PGS1: variants seen among roughly 807,000 people sequenced by gnomAD.
PGS1 encodes the protein phosphatidylglycerophosphate synthase 1, also known as CDP-diacylglycerol--glycerol-3-phosphate 3-phosphatidyltransferase, mitochondrial.
PGS1 carries 44 observed loss-of-function variants against 58.3 expected under a neutral mutation model. The ratio of observed to expected loss-of-function variants is 0.75; its 90% confidence interval spans 0.59 to 0.97. The LOEUF is 0.97. PGS1 is among the 50% of genes least tolerant of loss of function. PGS1 has a pLI of 0.00. For synonymous variants in PGS1, 330 were observed against 311.0 expected (o/e 1.06, Z -0.64); for missense variants, 684 against 731.1 (o/e 0.94, Z 0.74).
intron 1 of PGS1, among the ~76,000 whole-genome samples, chr17:78,391,573 G>A (rs1222174678): frequency 6.6e-6 from 1 of 152,144 alleles, no homozygotes; most frequent in Non-Finnish European, 1.5e-5. Flanking sequence ...CACCTCCCTG[G>A]TTCAAGCAAT....
intron 9 of PGS1, chr17:78,420,954 T>C (rs2085676674): frequency 6.6e-6 from 1 of 152,226 alleles, no homozygotes; most frequent in African/African-American, 2.4e-5. Flanking sequence ...AATGTCTTAG[T>C]ATCATCAAAT....
Position 78,415,025 on chromosome 17 carries a change from C to T in PGS1, c.1549C>T (p.Gln517Ter). 6.2e-7 allele frequency: 1 copy of T among 1,612,528 alleles called. No individual in the cohort carries two copies. The highest frequency in any genetic ancestry group is 1.3e-5 in the African/African-American group (1 of 74,960). The stretch of plus-strand genomic sequence containing the variant: ...CCAGGCCCTGCAGCAGCAGCTTCAC[C>T]AGGTTGGTCGCAGCAAGTGGGATTT... ...ENQALQQQLH[Q>*]EQEQLYLRSG... is the part of the protein sequence containing the mutation. Residue 517 changes from glutamine to a stop codon, truncating the protein, a stop_gained and splice_region_variant, in exon 8 of 10, where the codon CAG (glutamine) becomes TAG (stop). Transcript: ENST00000262764. LOFTEE classifies it high-confidence loss of function.
intron 7 of PGS1, among the ~76,000 whole-genome samples, chr17:78,410,806 T>C (rs2084616403): frequency 1.3e-5 from 2 of 152,038 alleles, no homozygotes; most frequent in African/African-American, 2.4e-5. Context: ...TTGACCTTTT[T>C]TGGGAGAGAC....
intron 1 of PGS1, among the ~76,000 whole-genome samples, chr17:78,385,841 A>G (rs2082346795): frequency 1.3e-5 from 2 of 152,196 alleles, no homozygotes; most frequent in African/African-American, 2.4e-5. Context: ...CATGGGGGCA[A>G]GTGTGTGCAG....
At chr17:78,420,872 TG>T (rs2085668843) in intron 9 of PGS1, 1 of 152,230 alleles carries the variant, frequency 6.6e-6, no homozygotes, top group Non-Finnish European at 1.5e-5. Context: ...GTGCATATCC[TG>T]CTGTCTTCCC....
chr17:78,388,323 G>A (rs1598256076), intron 1 of PGS1, among the ~76,000 whole-genome samples: 1 of 152,222 alleles, frequency 6.6e-6, no homozygotes, highest in East Asian at 1.9e-4. Context: ...TGACACCTGT[G>A]TAGGCTCTGT....
At chr17:78,422,160 G>GCC (rs2085865229) in intron 9 of PGS1, among the ~76,000 whole-genome samples, 1 of 152,134 alleles carries the variant, frequency 6.6e-6, no homozygotes, top group South Asian at 2.1e-4. Flanking sequence ...TTGCCCGGTG[G>GCC]CCCCTGGTGG....
intron 7 of PGS1, among the ~76,000 whole-genome samples, chr17:78,405,461 A>T (rs916506398): frequency 6.6e-6 from 1 of 152,076 alleles, no homozygotes; most frequent in Non-Finnish European, 1.5e-5. Flanking sequence ...CTCTGTGCAC[A>T]GTCTTGCTGG....
chr17:78,423,389 TTTGGGAGCAGGGAGTAATGGC>T (rs919027131), intron 9 of PGS1, among the ~76,000 whole-genome samples: 3 of 152,132 alleles, frequency 2.0e-5, no homozygotes, highest in Admixed American at 6.5e-5. Flanking sequence ...TCCTGTTGTT[TTTGGGAGCAGGGAGTAATGGC>T]GGATGAGACG....
chr17:78,400,563 T>C lies in PGS1; in HGVS notation c.702-114T>C, dbSNP rs1220095866. Reference sequence around the variant, plus strand: ...GCTGAGTAGCTATTTGTTAACTGCATCTTGACCTGAGTTTGTCACCCCCCT... The same window carrying C: ...GCTGAGTAGCTATTTGTTAACTGCACCTTGACCTGAGTTTGTCACCCCCCT... On this transcript the variant is annotated intron_variant, in intron 5 of 9. Coordinates refer to ENST00000262764, the MANE Select transcript of PGS1 (RefSeq NM_024419.5). The surrounding 1 kb of genome is among the most constrained non-coding windows in gnomAD (Gnocchi z 4.4). The C allele has an allele frequency of 2.4e-6, 2 of 817,654 alleles. No homozygotes were observed. Among genetic ancestry groups the C allele is most frequent in the African/African-American group, 3.4e-5 (2 of 59,344 alleles). The allele number at this position is 817,654 out of a possible 1,614,324, so 50.6% of individuals were successfully genotyped here.
intron 1 of PGS1, among the ~76,000 whole-genome samples, chr17:78,389,053 C>CT (rs5822252): frequency 0.41 from 39,743 of 96,068 alleles, 8,658 homozygotes; most frequent in Admixed American, 0.48. Flanking sequence ...CCTCTTCTTC[C>CT]TTTTTTTTTT....
intron 4 of PGS1, chr17:78,399,143 G>T: frequency 1.7e-6 from 1 of 588,972 alleles, no homozygotes; most frequent in Non-Finnish European, 3.0e-6. Context: ...CGTCTGCCAC[G>T]CTGAGGACTT....
At chr17:78,394,284 T>C (rs1253703695) in intron 2 of PGS1, among the ~76,000 whole-genome samples, 4 of 152,164 alleles carry the variant, frequency 2.6e-5, no homozygotes, top group African/African-American at 9.6e-5. Context: ...CTTTCACCTT[T>C]GTGCAGAAAA....
chr17:78,397,565 T>C (rs1336702756), intron 3 of PGS1, among the ~76,000 whole-genome samples: 1 of 149,466 alleles, frequency 6.7e-6, no homozygotes, highest in African/African-American at 2.5e-5. Context: ...GCCTCCCGAG[T>C]AGTTGGGATT....
chr17:78,421,935 C>T (rs1226018052), intron 9 of PGS1: 2 of 148,778 alleles, frequency 1.3e-5, no homozygotes, highest in East Asian at 4.1e-4. Context: ...GTCCTCCCGG[C>T]TTTCTAGGTG....
rs1661606679 is a variant in PGS1, at chr17:78,404,171, C to T, written c.1402+82C>T. On this transcript the variant is annotated intron_variant, in intron 7 of 9. Transcript: ENST00000262764. ...GGGGGTGGGGAGCCCTGGCGCCTAC[C>T]TGTTAGAGTGCTGTACTTCTCCCTT... 8 of 1,396,180 alleles carry T rather than the reference C, an allele frequency of 5.7e-6. No homozygotes were observed. In the South Asian group the frequency reaches 5.7e-5, roughly 10 times the overall value. The allele number at this position is 1,396,180 out of a possible 1,614,324, so 86.5% of individuals were successfully genotyped here.
chr17:78,419,331 C>T (rs899094667), intron 8 of PGS1, among the ~76,000 whole-genome samples: 4 of 152,224 alleles, frequency 2.6e-5, no homozygotes, highest in South Asian at 4.1e-4. Context: ...TTTAGGAACA[C>T]GGCTTCTTAG....
chr17:78,379,898 C>T (rs2081917852), intron 1 of PGS1, among the ~76,000 whole-genome samples: 1 of 149,776 alleles, frequency 6.7e-6, no homozygotes, highest in African/African-American at 2.5e-5. Flanking sequence ...GACGGAGTTT[C>T]ACTCGTTGCC....
intron 2 of PGS1, among the ~76,000 whole-genome samples, chr17:78,395,649 G>A (rs2083177928): frequency 6.6e-6 from 1 of 152,184 alleles, no homozygotes; most frequent in Non-Finnish European, 1.5e-5. Flanking sequence ...GCACTGATGT[G>A]TTCTGCTCAT....
Sources: allele counts gnomAD v4.1 joint callset (sites outside exome capture counted in the v4.1 genomes callset), GRCh38; gene constraint gnomAD v4.1.1; non-coding constraint Gnocchi (gnomAD v3.1); transcripts MANE v1.5; gene names NCBI Gene and HGNC (gene_info 2026-07-23, HGNC 2026-07-21).